TUBGCP2: variants seen among roughly 807,000 people sequenced by gnomAD.
TUBGCP2 encodes tubulin gamma complex component 2, also known as gamma-tubulin complex component 2.
In TUBGCP2, 55 loss-of-function variants were observed where a neutral mutation model predicts 92.2. That is an observed-to-expected ratio of 0.60 (90% CI 0.48 to 0.75). TUBGCP2 has a LOEUF of 0.75. Among genes scored for constraint, TUBGCP2 ranks in the 30% least tolerant of loss-of-function variants. TUBGCP2 has a pLI of 0.00. For synonymous variants in TUBGCP2, 533 were observed against 505.2 expected (o/e 1.06, Z -0.74); for missense variants, 1,093 against 1,188.9 (o/e 0.92, Z 1.19).
rs1846974527 is a variant in TUBGCP2 at position 133,281,431 on chromosome 10, C to A, written c.2415G>T (p.Leu805=). 6.2e-7 allele frequency: 1 copy of A among 1,612,372 alleles called. No individual in the cohort carries two copies. The highest frequency in any genetic ancestry group is 1.3e-5 in the African/African-American group (1 of 75,052). The change falls in exon 17 of 18, where the codon CTG becomes CTT. Residue 805 remains leucine (L), a synonymous_variant. Transcript: ENST00000252936. ...GCTGCACAGTGTCTGCGTGCTCAGC[C>A]AGGTGCTGGAAAGAAAGCCGGGGTG... The part of the protein sequence containing the change: ...RARKELARKH[L]AEHADTVQLV...
Position 133,279,660 on chromosome 10 carries a change from T to G in TUBGCP2, c.*106A>C. On this transcript the variant is annotated 3_prime_UTR_variant, in exon 18 of 18. Transcript: ENST00000252936. ...CTGAGTCAATCATTCCTGCTTTATA[T>G]TTAAACTGCAAAGACAGAACACAGA... 6 of 1,401,980 alleles carry G rather than the reference T, an allele frequency of 4.3e-6. No individual in the cohort carries two copies. Among genetic ancestry groups the G allele is most frequent in the Non-Finnish European group, 5.6e-6 (6 of 1,074,188 alleles). The allele number at this position is 1,401,980 out of a possible 1,614,324, so 86.8% of individuals were successfully genotyped here.
At chr10:133,312,057 G>A (rs145333735), upstream of TUBGCP2, 1,952 of 1,479,116 alleles carry the variant, frequency 1.3e-3, 34 homozygotes, top group African/African-American at 0.023. Flanking sequence ...CCATTGAAGC[G>A]CAGGAATGCC....
Position 133,283,915 on chromosome 10 carries a change from C to T in TUBGCP2, c.2112G>A (p.Pro704=), listed in dbSNP as rs375587100. The T allele has an allele frequency of 1.2e-5, 19 of 1,614,146 alleles. No homozygotes were observed. In the East Asian group the frequency reaches 1.8e-4, roughly 15 times the overall value. The part of the protein sequence containing the change: ...QYYMMFEVME[P]TWHILEKNLK... Reference sequence around the variant, plus strand: ...GGTTTTTCTCCAGGATGTGCCAGGTCGGTTCCATCACTTCAAACATCATGT... The same window carrying T: ...GGTTTTTCTCCAGGATGTGCCAGGTTGGTTCCATCACTTCAAACATCATGT... The change falls in exon 14 of 18, where the codon CCG becomes CCA. Residue 704 remains proline, a synonymous_variant. Transcript: ENST00000252936.
upstream of TUBGCP2, chr10:133,308,908 G>GT (rs1480848625): frequency 8.3e-7 from 1 of 1,208,708 alleles, no homozygotes; most frequent in African/African-American, 1.6e-5. Flanking sequence ...CTCGCGGACG[G>GT]TGGCCGACAG....
rs773133524 is a variant in TUBGCP2 at position 133,293,099 on chromosome 10, G to A, written c.964C>T (p.Gln322Ter). The change falls in exon 7 of 18, where the codon CAG (glutamine) becomes TAG (stop). Residue 322 changes from glutamine to a stop codon, truncating the protein, a stop_gained. Transcript: ENST00000252936. LOFTEE classifies it high-confidence loss of function. ...GGCTGGATGTAGAACCAGAGCTTCT[G>A]CAGCGAAAGGAGGCCCTGCCTGTGC... The part of the protein sequence containing the change: ...QLHRQGLLSL[Q>*]KLWFYIQPAM... The A allele has an allele frequency of 1.2e-5, 19 of 1,613,736 alleles. No homozygotes were observed. Among genetic ancestry groups the A allele is most frequent in the Non-Finnish European group, 1.6e-5 (19 of 1,180,050 alleles).
At chr10:133,296,521 A>T (rs1171300288) in intron 5 of TUBGCP2, among the ~76,000 whole-genome samples, 1 of 151,272 alleles carries the variant, frequency 6.6e-6, no homozygotes, top group Admixed American at 6.6e-5. Flanking sequence ...TCTGTTGCCC[A>T]GGCTGGAGTG....
chr10:133,285,021 C>A lies in TUBGCP2; in HGVS notation c.2024+64G>T. The A allele has an allele frequency of 6.5e-7, 1 of 1,540,954 alleles. No individual in the cohort carries two copies. The highest frequency in any genetic ancestry group is 8.8e-7 in the Non-Finnish European group (1 of 1,142,380). On this transcript the variant is annotated intron_variant, in intron 13 of 17. Transcript: ENST00000252936. The surrounding 1 kb of genome is among the most constrained non-coding windows in gnomAD (Gnocchi z 6.8). Reference sequence around the variant, plus strand: ...AGGAGGGCACAAGGGGGGCGCTGCACCACTGGGCAGAGTGCAGCGAGCGCT... The same window carrying A: ...AGGAGGGCACAAGGGGGGCGCTGCAACACTGGGCAGAGTGCAGCGAGCGCT...
At chr10:133,281,923 A>AG (rs753906147) in intron 16 of TUBGCP2, among the ~76,000 whole-genome samples, 24 of 152,368 alleles carry the variant, frequency 1.6e-4, no homozygotes, top group South Asian at 6.2e-4. Flanking sequence ...CTCAGGACCG[A>AG]GCTCAGCAGG....
At position 133,285,196 on chromosome 10, in the gene TUBGCP2, T is replaced by C; in HGVS notation, c.1913A>G (p.Tyr638Cys). ...GAACATGTGCCTGAAGAGCATCTGG[T>C]AGCGAGTGAGGGCTTTCCTGCAAGA... ...LIINRKALTR[Y>C]QMLFRHMFYC... Residue 638 changes from tyrosine (Y) to cysteine (C), a missense_variant, in exon 13 of 18, where the codon TAC (tyrosine) becomes TGC (cysteine). Around this residue, in one of 3 missense-constraint regions of TUBGCP2, gnomAD observed 598 missense variants for 675.5 expected, o/e 0.89. Coordinates refer to ENST00000252936, the MANE Select transcript of TUBGCP2 (RefSeq NM_006659.4). This position sits in a 1 kb window ranked among gnomAD's most constrained non-coding sequence, Gnocchi z 6.8. The C allele has an allele frequency of 6.2e-7, 1 of 1,612,918 alleles. No homozygotes were observed. Among genetic ancestry groups the C allele is most frequent in the Non-Finnish European group, 8.5e-7 (1 of 1,179,988 alleles).
At chr10:133,309,869 T>C (rs766340050), upstream of TUBGCP2, 7 of 1,613,648 alleles carry the variant, frequency 4.3e-6, no homozygotes, top group African/African-American at 1.3e-5. Context: ...TGCACGGAAA[T>C]GTTTGCTCCT....
Position 133,299,309 on chromosome 10 carries a change from A to G in TUBGCP2, c.456+118T>C, listed in dbSNP as rs543942645. 634 of 806,396 alleles carry G rather than the reference A, an allele frequency of 7.9e-4. 1 individual carries two copies. The highest frequency in any genetic ancestry group is 7.4e-3 in the African/African-American group (420 of 56,908). 50.0% of individuals were successfully genotyped at this position (806,396 alleles called of 1,614,324 possible). On this transcript the variant is annotated intron_variant, in intron 4 of 17. Transcript: ENST00000252936. ...AAGGGATTCATTTTCAATAAATGACAGAGAGACATGTCCTTCCAGCAGGGG... is the reference window on the plus strand; with the variant it reads ...AAGGGATTCATTTTCAATAAATGACGGAGAGACATGTCCTTCCAGCAGGGG...
At chr10:133,294,762 C>T (rs1847451023) in intron 5 of TUBGCP2, among the ~76,000 whole-genome samples, 1 of 152,152 alleles carries the variant, frequency 6.6e-6, no homozygotes, top group Non-Finnish European at 1.5e-5. Flanking sequence ...ACCACTGGCA[C>T]GTGCCACCAT....
At chr10:133,312,173 C>T (rs770403029), upstream of TUBGCP2, 24 of 1,416,512 alleles carry the variant, frequency 1.7e-5, no homozygotes, top group East Asian at 2.8e-5. Flanking sequence ...TCACCTGTGC[C>T]GTCTGCGTTT....
chr10:133,309,228 C>T (rs577163311), upstream of TUBGCP2: 4,266 of 965,390 alleles, frequency 4.4e-3, 11 homozygotes, highest in Non-Finnish European at 5.2e-3. Flanking sequence ...CAGGCGGGAC[C>T]TGAGGTGGTG....
At chr10:133,287,873 C>A (rs1454629398) in intron 11 of TUBGCP2, among the ~76,000 whole-genome samples, 2 of 152,232 alleles carry the variant, frequency 1.3e-5, no homozygotes, top group East Asian at 1.9e-4. Flanking sequence ...AACAATTCCA[C>A]AAGGCCAGCA....
chr10:133,283,369 C>CA, intron 14 of TUBGCP2, 148 bp from the exon 15 acceptor site: 1 of 1,145,704 alleles, frequency 8.7e-7, no homozygotes, highest in South Asian at 1.6e-5. Context: ...GGAAAACTTC[C>CA]AAACACCACT....
chr10:133,294,215 C>A (rs950194387), intron 5 of TUBGCP2, among the ~76,000 whole-genome samples: 1 of 152,248 alleles, frequency 6.6e-6, no homozygotes, highest in African/African-American at 2.4e-5. Context: ...GAGGATGAGA[C>A]GGCTGCAGGA....
chr10:133,309,280 G>A, upstream of TUBGCP2: 3 of 1,411,228 alleles, frequency 2.1e-6, no homozygotes, highest in Non-Finnish European at 2.9e-6. Context: ...CTGAGGCTGT[G>A]GGGCGGGACC....
At chr10:133,292,724 A>G in intron 7 of TUBGCP2, 36 bp from the exon 8 acceptor site, 1 of 1,589,700 alleles carries the variant, frequency 6.3e-7, no homozygotes, top group Non-Finnish European at 8.6e-7. Context: ...GCTGAGAAGG[A>G]AGCGCACGCC....
Sources: allele counts gnomAD v4.1 joint callset (sites outside exome capture counted in the v4.1 genomes callset), GRCh38; gene constraint gnomAD v4.1.1; regional missense constraint gnomAD v4.1.1; non-coding constraint Gnocchi (gnomAD v3.1); transcripts MANE v1.5; gene names NCBI Gene and HGNC (gene_info 2026-07-23, HGNC 2026-07-21).